Variants in CHODL observed in about 807,000 individuals in gnomAD.
CHODL encodes the protein transmembrane protein MT75.
In CHODL, 29 loss-of-function variants were observed where a neutral mutation model predicts 34.5. The ratio of observed to expected loss-of-function variants is 0.84; its 90% CI spans 0.63 to 1.15. The LOEUF (loss-of-function observed/expected upper bound fraction) is 1.15. Ranked by LOEUF, CHODL falls within the 50% of genes most tolerant of loss-of-function variation. The pLI is 0.00. For missense variants in CHODL, 332 were observed against 332.5 expected, an observed-to-expected ratio of 1.00 and a Z score of 0.01; for synonymous variants, 125 against 116.1, an observed-to-expected ratio of 1.08 and a Z score of -0.49.
intron 1 of CHODL, chr21:18,024,727 C>T (rs1212722032): frequency 6.6e-6 from 1 of 152,118 alleles, no homozygotes; most frequent in Non-Finnish European, 1.5e-5. Context: ...CTTTAGAAGT[C>T]CTGTTGTATT....
intron 1 of CHODL, among the ~76,000 whole-genome samples, chr21:18,015,613 G>A (rs913227717): frequency 6.6e-6 from 1 of 152,174 alleles, no homozygotes; most frequent in African/African-American, 2.4e-5. Flanking sequence ...GGGCTCAGAA[G>A]AAGACAGGAA....
chr21:18,010,733 T>C (rs1295218501), intron 1 of CHODL, among the ~76,000 whole-genome samples: 1 of 152,198 alleles, frequency 6.6e-6, no homozygotes, highest in Non-Finnish European at 1.5e-5. Context: ...ACAAACCACT[T>C]AAAAACAAAC....
At chr21:18,181,266 A>G (rs1230565611) in intron 2 of CHODL, among the ~76,000 whole-genome samples, 2 of 151,882 alleles carry the variant, frequency 1.3e-5, no homozygotes, top group East Asian at 3.9e-4. Context: ...TAACTCACAT[A>G]TAAAAATCAC....
At chr21:18,248,732 A>AATATATAC (rs2074185683) in intron 1 of CHODL, among the ~76,000 whole-genome samples, 2 of 120,388 alleles carry the variant, frequency 1.7e-5, no homozygotes, top group African/African-American at 7.0e-5. Flanking sequence ...ATATGTATAT[A>AATATATAC]ATATATATGT....
chr21:18,006,728 T>C (rs1480661448), intron 1 of CHODL, among the ~76,000 whole-genome samples: 1 of 152,238 alleles, frequency 6.6e-6, no homozygotes, highest in African/African-American at 2.4e-5. Context: ...AAATATCTTT[T>C]GAAGAGATTT....
chr21:18,053,063 C>T (rs930858137), intron 2 of CHODL, among the ~76,000 whole-genome samples: 3 of 151,852 alleles, frequency 2.0e-5, no homozygotes. Flanking sequence ...GAGCAGTTTT[C>T]AAGCCCAAGC....
At chr21:18,131,180 TCTCTC>T (rs1430050419) in intron 2 of CHODL, among the ~76,000 whole-genome samples, 1 of 151,738 alleles carries the variant, frequency 6.6e-6, no homozygotes, top group African/African-American at 2.4e-5. Flanking sequence ...TTGAAAACAA[TCTCTC>T]TGGTGTCTCA....
intron 2 of CHODL, among the ~76,000 whole-genome samples, chr21:18,157,941 A>T (rs914465504): frequency 2.6e-5 from 4 of 152,100 alleles, no homozygotes; most frequent in African/African-American, 9.7e-5. Flanking sequence ...AAATAAATCT[A>T]TTCCAGAAAA....
At chr21:18,226,456 A>G (rs907244997) in intron 2 of CHODL, among the ~76,000 whole-genome samples, 2 of 152,072 alleles carry the variant, frequency 1.3e-5, no homozygotes, top group Admixed American at 6.6e-5. Context: ...GCATGCCACC[A>G]TGCCCAGCCA....
At chr21:18,153,274 A>G (rs1355057980) in intron 2 of CHODL, among the ~76,000 whole-genome samples, 2 of 152,178 alleles carry the variant, frequency 1.3e-5, no homozygotes, top group Non-Finnish European at 2.9e-5. Context: ...CTCAGAGCTC[A>G]TTCAGAATGT....
chr21:18,006,806 A>G (rs908986695), intron 1 of CHODL, among the ~76,000 whole-genome samples: 1 of 152,208 alleles, frequency 6.6e-6, no homozygotes, highest in African/African-American at 2.4e-5. Flanking sequence ...TGGCAGAATT[A>G]TAATGTTGCC....
chr21:17,930,975 A>G (rs2063267838), intron 1 of CHODL, among the ~76,000 whole-genome samples: 1 of 152,236 alleles, frequency 6.6e-6, no homozygotes, highest in Non-Finnish European at 1.5e-5. Flanking sequence ...GCCTGGCGTT[A>G]GATGACAGTG....
chr21:18,079,317 C>T (rs1318065018), intron 2 of CHODL, among the ~76,000 whole-genome samples: 1 of 150,326 alleles, frequency 6.7e-6, no homozygotes, highest in Non-Finnish European at 1.5e-5. Flanking sequence ...TTTTCTTATG[C>T]CATAAAACAC....
chr21:18,123,734 A>G (rs1479842830), intron 2 of CHODL, among the ~76,000 whole-genome samples: 1 of 152,198 alleles, frequency 6.6e-6, no homozygotes, highest in Non-Finnish European at 1.5e-5. Context: ...CTCACCTCCC[A>G]ATACTGTTAC....
intron 1 of CHODL, among the ~76,000 whole-genome samples, chr21:17,925,594 T>G (rs2063216272): frequency 6.6e-6 from 1 of 152,276 alleles, no homozygotes; most frequent in South Asian, 2.1e-4. Flanking sequence ...TGCTTTTTCA[T>G]TGTCATGAAT....
chr21:18,198,511 C>T (rs1435400138), intron 2 of CHODL, among the ~76,000 whole-genome samples: 1 of 151,992 alleles, frequency 6.6e-6, no homozygotes, highest in Non-Finnish European at 1.5e-5. Flanking sequence ...AAATTTAACC[C>T]ATATGATTCG....
chr21:18,183,172 A>G (rs1318493934), intron 2 of CHODL, among the ~76,000 whole-genome samples: 1 of 152,124 alleles, frequency 6.6e-6, no homozygotes, highest in Non-Finnish European at 1.5e-5. Context: ...TCTCCCCCAC[A>G]TCTGTCATCA....
chr21:18,178,083 G>T (rs1187737084), intron 2 of CHODL, among the ~76,000 whole-genome samples: 1 of 152,070 alleles, frequency 6.6e-6, no homozygotes, highest in African/African-American at 2.4e-5. Context: ...CTAATAATTA[G>T]CTTAGAGGTC....
At chr21:18,196,340 A>G (rs2073587729) in intron 2 of CHODL, among the ~76,000 whole-genome samples, 1 of 152,236 alleles carries the variant, frequency 6.6e-6, no homozygotes, top group Admixed American at 6.5e-5. Context: ...TAAAGTGAAG[A>G]GATAATAATG....
Sources: allele counts gnomAD v4.1 joint callset (sites outside exome capture counted in the v4.1 genomes callset), GRCh38; gene constraint gnomAD v4.1.1; transcripts MANE v1.5; gene names NCBI Gene and HGNC (gene_info 2026-07-23, HGNC 2026-07-21).